The following SORCS1 variants were observed in gnomAD, a reference collection of about 807,000 sequenced individuals.
SORCS1 encodes the protein VPS10 domain-containing receptor SorCS1.
Under a neutral mutation model 146.1 loss-of-function variants are expected in SORCS1, and 60 were observed. That is an observed-to-expected ratio of 0.41 (90% CI 0.33 to 0.51). SORCS1 has a LOEUF of 0.51. Among genes scored for constraint, SORCS1 ranks in the 20% least tolerant of loss-of-function variants. The pLI is 0.21. For synonymous variants in SORCS1, 637 were observed against 584.0 expected (o/e 1.09, Z -1.31); for missense variants, 1,352 against 1,487.6 (o/e 0.91, Z 1.50).
intron 3 of SORCS1, among the ~76,000 whole-genome samples, chr10:106,802,101 C>G (rs17273472): frequency 0.036 from 5,430 of 152,230 alleles, 147 homozygotes; most frequent in South Asian, 0.096. Context: ...AGTTCCTTTA[C>G]CAAGTACATG....
intron 25 of SORCS1, chr10:106,578,786 A>C: frequency 8.3e-7 from 1 of 1,207,234 alleles, no homozygotes; most frequent in Non-Finnish European, 1.0e-6. Flanking sequence ...TATACTATTA[A>C]AGCAAATGCT....
intron 3 of SORCS1, among the ~76,000 whole-genome samples, chr10:106,783,312 T>C (rs1861037505): frequency 6.6e-6 from 1 of 152,216 alleles, no homozygotes; most frequent in South Asian, 2.1e-4. Context: ...GATGAGGCAA[T>C]TTGCTCAAGG....
At position 107,106,489 on chromosome 10, in the gene SORCS1, C is replaced by T. The variant is rs554312884; in HGVS notation, c.558+57480G>A. 3.4e-4 allele frequency among the ~76,000 whole-genome samples: 52 copies of T among 152,270 alleles called. 1 individual carries two copies. The South Asian group carries it at 0.011, about 31-fold the overall frequency. On this transcript the variant is annotated intron_variant, in intron 1 of 25. Coordinates refer to ENST00000263054, the MANE Select transcript of SORCS1 (RefSeq NM_052918.5). ...CATTTATTTATCTCCTGAAGAAGTG[C>T]TTTTCTTTTACAAACTATATATCTA... is the stretch of plus-strand genomic sequence containing the variant.
chr10:107,062,746 C>CGTCA (rs144421341), intron 1 of SORCS1, among the ~76,000 whole-genome samples: 1,584 of 152,260 alleles, frequency 0.01, 15 homozygotes, highest in South Asian at 0.028. Flanking sequence ...TTTCCTCTTA[C>CGTCA]GTCAGTATCT....
the SORCS1 span, among the ~76,000 whole-genome samples, chr10:107,175,464 A>C: frequency 6.6e-6 from 1 of 151,674 alleles, no homozygotes; most frequent in African/African-American, 2.4e-5. Flanking sequence ...TTTAGATGGA[A>C]TCTCGCTCTG....
intron 2 of SORCS1, among the ~76,000 whole-genome samples, chr10:106,861,093 C>T (rs887078203): frequency 3.3e-5 from 5 of 152,068 alleles, no homozygotes; most frequent in East Asian, 1.9e-4. Flanking sequence ...GTTATTGTCC[C>T]GACTTAAGAA....
chr10:106,709,172 C>G, intron 7 of SORCS1, 51 bp downstream of exon 7: 1 of 1,425,418 alleles, frequency 7.0e-7, no homozygotes, highest in African/African-American at 1.4e-5. Context: ...GGGACAGAAA[C>G]AAGGAAAAGA....
intron 5 of SORCS1, among the ~76,000 whole-genome samples, chr10:106,754,062 C>T (rs894054174): frequency 3.3e-5 from 5 of 152,162 alleles, no homozygotes; most frequent in Admixed American, 6.5e-5. Flanking sequence ...ATCTTCCCCA[C>T]GTCTTTTGGT....
chr10:107,164,067 G>C lies in SORCS1; in HGVS notation c.460C>G (p.Arg154Gly). ...ERDPDKATRF[R>G]MEELRLTSTT... ...CTGGTCAGTCTCAGCTCCTCCATCC[G>C]GAAGCGGGTGGCTTTGTCCGGGTCC... Residue 154 changes from arginine to glycine, a missense_variant, in exon 1 of 26, where the codon CGG becomes GGG. This residue lies in a region of SORCS1 where 490 missense variants were observed against 489.1 expected (regional missense o/e 1.00). Transcript: ENST00000263054. This position sits in a 1 kb window ranked among gnomAD's most constrained non-coding sequence, Gnocchi z 6.8. The C allele has an allele frequency of 2.5e-6, 4 of 1,613,962 alleles. No homozygotes were observed. The highest frequency in any genetic ancestry group is 3.4e-6 in the Non-Finnish European group (4 of 1,180,018).
At chr10:106,806,165 C>T (rs1051047217) in intron 3 of SORCS1, among the ~76,000 whole-genome samples, 11 of 150,250 alleles carry the variant, frequency 7.3e-5, no homozygotes, top group African/African-American at 2.0e-4. Context: ...GTCAAGAGAT[C>T]GAGATCATCC....
intron 24 of SORCS1, among the ~76,000 whole-genome samples, chr10:106,595,564 A>G: frequency 1.3e-5 from 2 of 152,196 alleles, no homozygotes; most frequent in East Asian, 3.8e-4. Context: ...GTGGGATTGA[A>G]AAAACAACAA....
chr10:106,701,843 G>T (rs2135763952), intron 8 of SORCS1, among the ~76,000 whole-genome samples: 1 of 152,330 alleles, frequency 6.6e-6, no homozygotes, highest in Non-Finnish European at 1.5e-5. Context: ...CCCCCATGGA[G>T]TGGTGAGGAT....
the SORCS1 span, among the ~76,000 whole-genome samples, chr10:107,179,645 C>T: frequency 6.6e-6 from 1 of 152,102 alleles, no homozygotes; most frequent in Non-Finnish European, 1.5e-5. Flanking sequence ...AGTGACCTCA[C>T]ATTATGGGTT....
At chr10:106,884,007 C>A (rs1179419980) in intron 2 of SORCS1, among the ~76,000 whole-genome samples, 1 of 152,146 alleles carries the variant, frequency 6.6e-6, no homozygotes, top group Non-Finnish European at 1.5e-5. Flanking sequence ...TAAGTCATTT[C>A]TCAAGCCTTA....
chr10:107,117,287 GT>G (rs1224328812), intron 1 of SORCS1, among the ~76,000 whole-genome samples: 1 of 152,222 alleles, frequency 6.6e-6, no homozygotes, highest in Non-Finnish European at 1.5e-5. Flanking sequence ...AGGCTTTGTT[GT>G]TTTTGCAGCA....
intron 1 of SORCS1, among the ~76,000 whole-genome samples, chr10:107,012,922 C>G (rs1957748103): frequency 6.6e-6 from 1 of 152,228 alleles, no homozygotes; most frequent in South Asian, 2.1e-4. Context: ...ACTAAGATGT[C>G]TGCACCTGTC....
intron 1 of SORCS1, among the ~76,000 whole-genome samples, chr10:107,068,428 G>C (rs1962109444): frequency 6.6e-6 from 1 of 152,154 alleles, no homozygotes; most frequent in Admixed American, 6.5e-5. Context: ...TAAACCTTAT[G>C]ACAAATCACC....
intron 1 of SORCS1, among the ~76,000 whole-genome samples, chr10:107,001,356 G>A (rs973707913): frequency 2.0e-5 from 3 of 152,138 alleles, no homozygotes; most frequent in East Asian, 1.9e-4. Flanking sequence ...GATGAGGCAC[G>A]TTTCAGACCA....
intron 2 of SORCS1, among the ~76,000 whole-genome samples, chr10:106,935,578 G>A (rs551781966): frequency 5.9e-5 from 9 of 152,314 alleles, no homozygotes; most frequent in South Asian, 2.1e-4. Flanking sequence ...AAGGATACCT[G>A]CTGTAAACAA....
Sources: allele counts gnomAD v4.1 joint callset (sites outside exome capture counted in the v4.1 genomes callset), GRCh38; gene constraint gnomAD v4.1.1; regional missense constraint gnomAD v4.1.1; non-coding constraint Gnocchi (gnomAD v3.1); transcripts MANE v1.5; gene names NCBI Gene and HGNC (gene_info 2026-07-23, HGNC 2026-07-21).